WWOX: variants seen among roughly 807,000 people sequenced by gnomAD.
The protein encoded by WWOX is WW domain containing oxidoreductase, also known as WW domain-containing oxidoreductase.
Under a neutral mutation model 46.2 loss-of-function variants are expected in WWOX, and 69 were observed. The ratio of observed to expected loss-of-function variants is 1.49; its 90% CI spans 1.23 to 1.82. The LOEUF (loss-of-function observed/expected upper bound fraction) is 1.82, where lower values mean the gene tolerates loss of function less well. Ranked by LOEUF, WWOX falls within the 40% of genes most tolerant of loss-of-function variation. The pLI is 0.00. For missense variants in WWOX, 919 were observed against 542.6 expected (o/e 1.69, Z -6.89); for synonymous variants, 359 against 202.6 (o/e 1.77, Z -6.56).
At chr16:78,904,068 C>T (rs941508939) in intron 8 of WWOX, among the ~76,000 whole-genome samples, 2 of 152,050 alleles carry the variant, frequency 1.3e-5, no homozygotes, top group Admixed American at 6.5e-5. Flanking sequence ...GGGAACACCA[C>T]GTACAAAAGG....
chr16:78,461,295 G>A (rs1017980609), intron 8 of WWOX, among the ~76,000 whole-genome samples: 11 of 152,050 alleles, frequency 7.2e-5, no homozygotes, highest in African/African-American at 2.7e-4. Flanking sequence ...CTGAGTCATC[G>A]TCTGCTGCTC....
chr16:78,399,999 CTTGT>C (rs1251681479), intron 6 of WWOX, among the ~76,000 whole-genome samples: 1 of 152,180 alleles, frequency 6.6e-6, no homozygotes, highest in African/African-American at 2.4e-5. Context: ...AGTTGAGCTA[CTTGT>C]CACTGCACTG....
intron 8 of WWOX, among the ~76,000 whole-genome samples, chr16:78,752,350 C>G (rs571259965): frequency 6.6e-6 from 1 of 152,166 alleles, no homozygotes; most frequent in African/African-American, 2.4e-5. Context: ...TACAGTGATG[C>G]GATCTCAGCT....
rs116962658 is a variant in WWOX, at chr16:78,677,949, T to G, written c.1056+245197T>G. Among the ~76,000 whole-genome samples, 7 of 152,346 alleles carry G rather than the reference T, an allele frequency of 4.6e-5. No homozygotes were observed. The East Asian group carries it at 1.3e-3, about 29-fold the overall frequency. ...TACAAATCTTTGCCCAAATATGTCCTTTTCAGGGATGACATCCTTAGCCAC... is the reference window on the plus strand; with the variant it reads ...TACAAATCTTTGCCCAAATATGTCCGTTTCAGGGATGACATCCTTAGCCAC... On this transcript the variant is annotated intron_variant, in intron 8 of 8. Coordinates refer to ENST00000566780, the MANE Select transcript of WWOX (RefSeq NM_016373.4).
intron 8 of WWOX, among the ~76,000 whole-genome samples, chr16:78,813,725 C>G (rs1221703426): frequency 1.3e-5 from 2 of 152,182 alleles, no homozygotes; most frequent in Non-Finnish European, 2.9e-5. Flanking sequence ...ATACTTACTG[C>G]TTTCTCTTTG....
chr16:78,967,866 C>T (rs2046391864), intron 8 of WWOX, among the ~76,000 whole-genome samples: 1 of 152,122 alleles, frequency 6.6e-6, no homozygotes, highest in South Asian at 2.1e-4. Context: ...TCTGTTGCAG[C>T]CTCCGGGGCC....
chr16:78,845,968 G>C (rs974007641), intron 8 of WWOX, among the ~76,000 whole-genome samples: 1 of 152,104 alleles, frequency 6.6e-6, no homozygotes, highest in Non-Finnish European at 1.5e-5. Context: ...ATTTGGAAGG[G>C]GTGGCCTAAT....
chr16:78,752,941 TG>T (rs1272549915), intron 8 of WWOX, among the ~76,000 whole-genome samples: 1 of 152,118 alleles, frequency 6.6e-6, no homozygotes, highest in African/African-American at 2.4e-5. Flanking sequence ...TAAATATCAG[TG>T]GGGATAATTC....
intron 5 of WWOX, among the ~76,000 whole-genome samples, chr16:78,384,055 G>T (rs548372013): frequency 1.3e-5 from 2 of 152,166 alleles, no homozygotes; most frequent in Non-Finnish European, 2.9e-5. Flanking sequence ...TATCATTTTT[G>T]TTGAAATACT....
intron 8 of WWOX, among the ~76,000 whole-genome samples, chr16:79,003,876 A>G (rs1339863202): frequency 6.6e-6 from 1 of 152,192 alleles, no homozygotes; most frequent in Non-Finnish European, 1.5e-5. Flanking sequence ...GGGAAGGGAC[A>G]CAGACTCCAC....
intron 8 of WWOX, among the ~76,000 whole-genome samples, chr16:79,208,048 T>C (rs891404300): frequency 6.6e-6 from 1 of 152,196 alleles, no homozygotes; most frequent in Non-Finnish European, 1.5e-5. Flanking sequence ...TAGTTGAAGA[T>C]TGTGCTGCAA....
At chr16:78,756,162 C>G (rs970104505) in intron 8 of WWOX, among the ~76,000 whole-genome samples, 3 of 152,160 alleles carry the variant, frequency 2.0e-5, no homozygotes, top group South Asian at 2.1e-4. Flanking sequence ...ACTTGAATTT[C>G]TAGTATGTAC....
At chr16:78,285,928 G>T (rs1046460591) in intron 5 of WWOX, among the ~76,000 whole-genome samples, 10 of 152,092 alleles carry the variant, frequency 6.6e-5, no homozygotes, top group African/African-American at 2.2e-4. Flanking sequence ...CAGTTTTAAG[G>T]CTTTATTACT....
intron 8 of WWOX, among the ~76,000 whole-genome samples, chr16:79,210,898 T>G (rs1350986887): frequency 1.3e-5 from 2 of 152,210 alleles, no homozygotes; most frequent in Non-Finnish European, 2.9e-5. Context: ...TGAAGTGGGC[T>G]GGGAGGAAAT....
chr16:78,139,537 C>T (rs111587900), intron 4 of WWOX, among the ~76,000 whole-genome samples: 2 of 152,004 alleles, frequency 1.3e-5, no homozygotes, highest in Non-Finnish European at 2.9e-5. Flanking sequence ...CCCAGCTACT[C>T]GGGAGGCTGA....
intron 5 of WWOX, among the ~76,000 whole-genome samples, chr16:78,324,803 G>C (rs943515191): frequency 6.6e-6 from 1 of 151,986 alleles, no homozygotes; most frequent in Non-Finnish European, 1.5e-5. Flanking sequence ...GGGCGGGATA[G>C]GAGGGGTAGA....
intron 5 of WWOX, among the ~76,000 whole-genome samples, chr16:78,245,674 G>T (rs1325866842): frequency 6.6e-6 from 1 of 152,232 alleles, no homozygotes; most frequent in African/African-American, 2.4e-5. Flanking sequence ...TGGGAACGGA[G>T]TGGGGATTTG....
chr16:78,305,262 C>T (rs1270989171), intron 5 of WWOX, among the ~76,000 whole-genome samples: 3 of 152,120 alleles, frequency 2.0e-5, no homozygotes, highest in African/African-American at 7.2e-5. Flanking sequence ...GAGACCGGGG[C>T]CCTCCAGCTG....
chr16:78,378,405 A>G (rs1423241345), intron 5 of WWOX, among the ~76,000 whole-genome samples: 3 of 152,150 alleles, frequency 2.0e-5, no homozygotes, highest in African/African-American at 7.2e-5. Flanking sequence ...ACTAAGAGAG[A>G]AAAGAATCAC....
Sources: gnomAD v4.1 joint callset for allele counts (sites outside exome capture counted in the v4.1 genomes callset) on GRCh38, gnomAD v4.1.1 for gene constraint, MANE v1.5 for transcripts, NCBI Gene and HGNC (gene_info 2026-07-23, HGNC 2026-07-21) for gene names.